ONECUT3: variants seen among roughly 807,000 people sequenced by gnomAD.
The protein encoded by ONECUT3 is one cut domain family member 3.
Under a neutral mutation model 16.8 loss-of-function variants are expected in ONECUT3, and 11 were observed. The observed-to-expected ratio is 0.66, with a 90% CI of 0.41 to 1.09. The LOEUF (loss-of-function observed/expected upper bound fraction) is 1.09. Ranked by LOEUF, ONECUT3 falls within the 50% of genes least tolerant of loss-of-function variation. The pLI, the probability that ONECUT3 is intolerant of heterozygous loss-of-function variation, is 0.00. For missense variants in ONECUT3, 637 were observed against 629.9 expected (o/e 1.01, Z -0.12); for synonymous variants, 344 against 310.7 (o/e 1.11, Z -1.13).
chr19:1,757,504 G>A (rs1489232892), intron 1 of ONECUT3, among the ~76,000 whole-genome samples: 1 of 152,198 alleles, frequency 6.6e-6, no homozygotes, highest in African/African-American at 2.4e-5. Flanking sequence ...GGGCGTTGAG[G>A]ATGATAAACC....
At chr19:1,775,126 G>GCCCCCCCCCCCCCCCCCCCCC in intron 1 of ONECUT3, 27 bp from the exon 2 acceptor site, 1 of 1,143,900 alleles carries the variant, frequency 8.7e-7, no homozygotes, top group Non-Finnish European at 1.2e-6. Flanking sequence ...TGTCCCGCTC[G>GCCCCCCCCCCCCCCCCCCCCC]CCCGCCCGCC....
Position 1,754,402 on chromosome 19 carries a change from C to A in ONECUT3, c.740C>A (p.Pro247Gln). 9.2e-7 allele frequency: 1 copy of A among 1,085,850 alleles called. No homozygotes were observed. The highest frequency in any genetic ancestry group is 1.1e-6 in the Non-Finnish European group (1 of 887,674). 67.3% of individuals were successfully genotyped at this position (1,085,850 alleles called of 1,614,324 possible). Reference sequence around the variant, plus strand: ...CTGCTGCCGCCCGCCGCCTTCGAGCCGCACGCCGCGCTGCTGGGACGCGCG... The same window carrying A: ...CTGCTGCCGCCCGCCGCCTTCGAGCAGCACGCCGCGCTGCTGGGACGCGCG... Reference protein sequence around the residue: ...DKLLPPAAFEPHAALLGRAED... With the variant: ...DKLLPPAAFEQHAALLGRAED... The change falls in exon 1 of 2, where the codon CCG (proline) becomes CAG (glutamine). Residue 247 changes from proline (P) to glutamine (Q), a missense_variant. Transcript: ENST00000382349. The surrounding 1 kb of genome is among the most constrained non-coding windows in gnomAD (Gnocchi z 7.4).
Position 1,757,024 on chromosome 19 carries a change from G to A in ONECUT3, c.1192+2170G>A, listed in dbSNP as rs186447462. 2.2e-3 allele frequency among the ~76,000 whole-genome samples: 337 copies of A among 151,672 alleles called. 1 individual carries two copies. The highest frequency in any genetic ancestry group is 0.021 in the Admixed American group (321 of 15,194). On this transcript the variant is annotated intron_variant, in intron 1 of 1. Transcript: ENST00000382349. ...CACTCTCCATTTTTCCCACTGTCACGTTATGTAACTAATGACCCATTAGCA... is the reference window on the plus strand; with the variant it reads ...CACTCTCCATTTTTCCCACTGTCACATTATGTAACTAATGACCCATTAGCA...
chr19:1,757,984 AAGG>A (rs945078947), intron 1 of ONECUT3, among the ~76,000 whole-genome samples: 1 of 152,038 alleles, frequency 6.6e-6, no homozygotes, highest in African/African-American at 2.4e-5. Flanking sequence ...GGCCTCCTCC[AAGG>A]AGAACTTTGC....
intron 1 of ONECUT3, among the ~76,000 whole-genome samples, chr19:1,768,882 T>G (rs1274469080): frequency 6.4e-5 from 1 of 15,614 alleles, no homozygotes; most frequent in Non-Finnish European, 1.2e-4. Context: ...GAGGTAGAGG[T>G]GGAGGTGGTG....
intron 1 of ONECUT3, among the ~76,000 whole-genome samples, chr19:1,771,199 A>G (rs1353344970): frequency 6.6e-6 from 1 of 152,116 alleles, no homozygotes; most frequent in Non-Finnish European, 1.5e-5. Context: ...GCTGCCCTCC[A>G]TACCCTGGGT....
chr19:1,780,575 C>A lies in ONECUT3; in HGVS notation c.*5130C>A, dbSNP rs7246708. ...GGGTGCTTCTCACCCCATAAAGCAG[C>A]AAGCCCTGGTCTGGAGGGCTGGGCC... is the stretch of plus-strand genomic sequence containing the variant. On this transcript the variant is annotated 3_prime_UTR_variant, in exon 2 of 2. Transcript: ENST00000382349. The A allele has an allele frequency of 0.41, 62,137 of 152,158 alleles. 13,852 individuals carry two copies. Among genetic ancestry groups the A allele is most frequent in the African/African-American group, 0.6 (24,988 of 41,486 alleles). The allele number at this position is 152,158 out of a possible 1,614,324, so 9.4% of individuals were successfully genotyped here. A position where few individuals can be genotyped will look rare whatever the true frequency, so the allele number is the denominator to read the frequency against.
chr19:1,760,671 G>C (rs1307533622), intron 1 of ONECUT3, among the ~76,000 whole-genome samples: 1 of 151,840 alleles, frequency 6.6e-6, no homozygotes, highest in Non-Finnish European at 1.5e-5. Flanking sequence ...GGGGGGGCCA[G>C]GTCCCAGCCT....
intron 1 of ONECUT3, among the ~76,000 whole-genome samples, chr19:1,768,523 C>T (rs73515199): frequency 0.021 from 3,173 of 152,240 alleles, 128 homozygotes; most frequent in East Asian, 0.18. Flanking sequence ...ATGGGACTCG[C>T]CTGGGGTCCC....
chr19:1,760,285 G>C (rs2067939900), intron 1 of ONECUT3, among the ~76,000 whole-genome samples: 2 of 152,224 alleles, frequency 1.3e-5, no homozygotes. Flanking sequence ...CGCTGAGTCT[G>C]GTGGGCCTAA....
rs2068146858 is a variant in ONECUT3 at position 1,780,375 on chromosome 19, C to T, written c.*4930C>T. The T allele has an allele frequency of 6.6e-6, 1 of 152,312 alleles. No individual in the cohort carries two copies. Among genetic ancestry groups the T allele is most frequent in the Admixed American group, 6.5e-5 (1 of 15,284 alleles). The allele number at this position is 152,312 out of a possible 1,614,324, so 9.4% of individuals were successfully genotyped here. On this transcript the variant is annotated 3_prime_UTR_variant, in exon 2 of 2. Coordinates refer to ENST00000382349, the MANE Select transcript of ONECUT3 (RefSeq NM_001080488.2). ...GGGACAATGTCCTCTGCCTCTGACT[C>T]CTCTTGTGCCATGAGGCCACGTCCC...
At chr19:1,774,023 G>C (rs955698091) in intron 1 of ONECUT3, among the ~76,000 whole-genome samples, 1 of 152,182 alleles carries the variant, frequency 6.6e-6, no homozygotes, top group Admixed American at 6.5e-5. Flanking sequence ...GGCTGACCAA[G>C]AGGAAGGGTG....
chr19:1,754,406 C>A lies in ONECUT3; in HGVS notation c.744C>A (p.His248Gln). 1 of 1,082,756 alleles carries A rather than the reference C, an allele frequency of 9.2e-7. No homozygotes were observed. 67.1% of individuals were successfully genotyped at this position (1,082,756 alleles called of 1,614,324 possible). A position where few individuals can be genotyped will look rare whatever the true frequency, so the allele number is the denominator to read the frequency against. The change falls in exon 1 of 2, where the codon CAC becomes CAA. Residue 248 changes from histidine to glutamine, a missense_variant. Physicochemically the swap from His to Gln is conservative, Grantham distance 24. Transcript: ENST00000382349. The surrounding 1 kb of genome is among the most constrained non-coding windows in gnomAD (Gnocchi z 7.4). ...TGCCGCCCGCCGCCTTCGAGCCGCACGCCGCGCTGCTGGGACGCGCGGAGG... is the reference window on the plus strand; with the variant it reads ...TGCCGCCCGCCGCCTTCGAGCCGCAAGCCGCGCTGCTGGGACGCGCGGAGG... ...KLLPPAAFEP[H>Q]AALLGRAEDA...
At position 1,754,874 on chromosome 19, in the gene ONECUT3, G is replaced by A. The variant is rs775701208; in HGVS notation, c.1192+20G>A. ...TGGCAGGTAGGAGCGTGGCGCGCAG[G>A]GCCAGACCCTGGGGGCGCCGGCTCT... On this transcript the variant is annotated intron_variant, in intron 1 of 1. Transcript: ENST00000382349. This position sits in a 1 kb window ranked among gnomAD's most constrained non-coding sequence, Gnocchi z 7.4. The A allele has an allele frequency of 2.1e-6, 3 of 1,403,316 alleles. No individual in the cohort carries two copies. The highest frequency in any genetic ancestry group is 3.0e-5 in the South Asian group (2 of 67,672). The allele number at this position is 1,403,316 out of a possible 1,614,324, so 86.9% of individuals were successfully genotyped here. A position where few individuals can be genotyped will look rare whatever the true frequency, so the allele number is the denominator to read the frequency against.
At position 1,754,380 on chromosome 19, in the gene ONECUT3, C is replaced by T; in HGVS notation, c.718C>T (p.Leu240=). ...PPGHLAGDKL[L]PPAAFEPHAA... is the part of the protein sequence containing the mutation. ...AGGCCACCTGGCTGGGGACAAGCTG[C>T]TGCCGCCCGCCGCCTTCGAGCCGCA... The change falls in exon 1 of 2, where the codon CTG becomes TTG. Residue 240 remains leucine, a synonymous_variant. Coordinates refer to ENST00000382349, the MANE Select transcript of ONECUT3 (RefSeq NM_001080488.2). This position sits in a 1 kb window ranked among gnomAD's most constrained non-coding sequence, Gnocchi z 7.4. 9.1e-7 allele frequency: 1 copy of T among 1,103,156 alleles called. No individual in the cohort carries two copies. Among genetic ancestry groups the T allele is most frequent in the Non-Finnish European group, 1.1e-6 (1 of 897,230 alleles). 68.3% of individuals were successfully genotyped at this position (1,103,156 alleles called of 1,614,324 possible). A position where few individuals can be genotyped will look rare whatever the true frequency, so the allele number is the denominator to read the frequency against.
chr19:1,760,047 G>A (rs2067938622), intron 1 of ONECUT3, among the ~76,000 whole-genome samples: 1 of 152,198 alleles, frequency 6.6e-6, no homozygotes, highest in Non-Finnish European at 1.5e-5. Context: ...GAGGGAGATG[G>A]GGAGGGGTCC....
At chr19:1,769,048 G>GGAA in intron 1 of ONECUT3, among the ~76,000 whole-genome samples, 3 of 140,792 alleles carry the variant, frequency 2.1e-5, no homozygotes, top group Non-Finnish European at 3.2e-5. Context: ...CGGTGGAGGT[G>GGAA]GTGGAGTTGC....
chr19:1,775,403 C>T lies in ONECUT3; in HGVS notation c.1443C>T (p.Pro481=), dbSNP rs1568603888. The T allele has an allele frequency of 2.0e-6, 3 of 1,496,052 alleles. No individual in the cohort carries two copies. Among genetic ancestry groups the T allele is most frequent in the Admixed American group, 2.1e-5 (1 of 46,840 alleles). The allele number at this position is 1,496,052 out of a possible 1,614,324, so 92.7% of individuals were successfully genotyped here. ...GGGCTGAGGAGCCCAGCACGGCCCC[C>T]GGGGGCCCCGCCGGCGCCACGGCCA... is the stretch of plus-strand genomic sequence containing the variant. The part of the protein sequence containing the change: ...NRWAEEPSTA[P]GGPAGATATF... Residue 481 remains proline (P), a synonymous_variant, in exon 2 of 2, where the codon CCC becomes CCT. Coordinates refer to ENST00000382349, the MANE Select transcript of ONECUT3 (RefSeq NM_001080488.2).
Position 1,775,163 on chromosome 19 carries a change from C to G in ONECUT3, c.1203C>G (p.Arg401=). 2 of 1,434,450 alleles carry G rather than the reference C, an allele frequency of 1.4e-6. No individual in the cohort carries two copies. Among genetic ancestry groups the G allele is most frequent in the Non-Finnish European group, 1.9e-6 (2 of 1,073,186 alleles). 88.9% of individuals were successfully genotyped at this position (1,434,450 alleles called of 1,614,324 possible). A position where few individuals can be genotyped will look rare whatever the true frequency, so the allele number is the denominator to read the frequency against. The stretch of plus-strand genomic sequence containing the variant: ...GCCGCTCGCCCGCAGCCTGCAAGCG[C>G]AAGGAACAGGAGCAGCAGAAGGAGC... ...MSALRLAACK[R]KEQEQQKERA... The change falls in exon 2 of 2, where the codon CGC becomes CGG. Residue 401 remains arginine, a synonymous_variant. Coordinates refer to ENST00000382349, the MANE Select transcript of ONECUT3 (RefSeq NM_001080488.2).
Sources: allele counts gnomAD v4.1 joint callset (sites outside exome capture counted in the v4.1 genomes callset), GRCh38; gene constraint gnomAD v4.1.1; non-coding constraint Gnocchi (gnomAD v3.1); transcripts MANE v1.5; gene names NCBI Gene and HGNC (gene_info 2026-07-23, HGNC 2026-07-21).